The following SMARCA5 variants were observed in gnomAD, a reference collection of about 807,000 sequenced individuals.
SMARCA5 encodes SWI/SNF-related matrix-associated actin-dependent regulator of chromatin subfamily A member 5.
A neutral mutation model predicts 140.4 loss-of-function variants in SMARCA5; 18 were observed. The observed-to-expected ratio is 0.13, with a 90% CI of 0.09 to 0.19. The LOEUF is 0.19. Among genes scored for constraint, SMARCA5 ranks in the 10% least tolerant of loss-of-function variants. The pLI is 1.00. For missense variants in SMARCA5, 606 were observed against 1,276.8 expected, an observed-to-expected ratio of 0.47 and a Z score of 8.01; for synonymous variants, 449 against 419.6, an observed-to-expected ratio of 1.07 and a Z score of -0.86.
Position 143,551,784 on chromosome 4 carries a change from A to G in SMARCA5, c.3094-1335A>G, listed in dbSNP as rs188581753. 2.2e-4 allele frequency among the ~76,000 whole-genome samples: 34 copies of G among 152,180 alleles called. No individual in the cohort carries two copies. The East Asian group carries it at 5.8e-3, about 26-fold the overall frequency. On this transcript the variant is annotated intron_variant, in intron 23 of 23. Coordinates refer to ENST00000283131, the MANE Select transcript of SMARCA5 (RefSeq NM_003601.4). ...TGCACTGATCTATGTATCTGTTTCT[A>G]TACCAGCACCATGCTGTTTTGGTTA... is the stretch of plus-strand genomic sequence containing the variant.
Position 143,528,032 on chromosome 4 carries a change from A to C in SMARCA5, c.957+9A>C. 1 of 1,548,794 alleles carries C rather than the reference A, an allele frequency of 6.5e-7. No homozygotes were observed. Among genetic ancestry groups the C allele is most frequent in the Non-Finnish European group, 8.7e-7 (1 of 1,154,972 alleles). On this transcript the variant is annotated intron_variant, in intron 7 of 23. Transcript: ENST00000283131. ...AAAATGAAAAATCTAAGGTAATTTG[A>C]TACTTAGATGTGAAAAGCCTTCATG...
intron 15 of SMARCA5, 41 bp from the exon 16 acceptor site, chr4:143,543,812 C>T (rs1560820812): frequency 6.3e-7 from 1 of 1,575,234 alleles, no homozygotes; most frequent in Non-Finnish European, 8.6e-7. Context: ...TTCATGCTTT[C>T]TTTGCTGTGA....
At chr4:143,533,498 C>CTTTTTTTTTTTTTTTTTTTTTTTTTTTT in intron 9 of SMARCA5, among the ~76,000 whole-genome samples, 1 of 127,550 alleles carries the variant, frequency 7.8e-6, no homozygotes, top group Non-Finnish European at 1.6e-5. Context: ...CTTGTCCATT[C>CTTTTTTTTTTTTTTTTTTTTTTTTTTTT]TTTTTTTTTT....
chr4:143,544,743 T>G lies in SMARCA5; in HGVS notation c.2179T>G (p.Phe727Val). ...EDYREKQKIA[F>V]TEWIEPPKRE... is the part of the protein sequence containing the mutation. ...GTTGTTTCCCATGTGCTAGATTGCA[T>G]TCACAGAGTGGATTGAACCACCTAA... Residue 727 changes from phenylalanine (F) to valine (V), a missense_variant, in exon 17 of 24, where the codon TTC becomes GTC. Phe to Val is a conservative substitution (Grantham distance 50). Around this residue, in one of 10 missense-constraint regions of SMARCA5, gnomAD observed 62 missense variants for 256.6 expected, o/e 0.24. Coordinates refer to ENST00000283131, the MANE Select transcript of SMARCA5 (RefSeq NM_003601.4). 6.3e-7 allele frequency: 1 copy of G among 1,596,436 alleles called. No homozygotes were observed. Among genetic ancestry groups the G allele is most frequent in the Non-Finnish European group, 8.6e-7 (1 of 1,167,802 alleles).
At chr4:143,539,567 G>A (rs1004394133) in intron 13 of SMARCA5, among the ~76,000 whole-genome samples, 7 of 144,764 alleles carry the variant, frequency 4.8e-5, no homozygotes, top group South Asian at 2.2e-4. Flanking sequence ...ATGGAGTTTC[G>A]CTCTTACTGC....
chr4:143,538,816 A>G lies in SMARCA5; in HGVS notation c.1648A>G (p.Ser550Gly), dbSNP rs1182194082. 2.5e-6 allele frequency: 4 copies of G among 1,614,118 alleles called. No homozygotes were observed. The highest frequency in any genetic ancestry group is 2.5e-6 in the Non-Finnish European group (3 of 1,179,986). ...DSINAYNEPNSTKFVFMLSTR... is the reference protein window; with the variant it reads ...DSINAYNEPNGTKFVFMLSTR... ...CATCAATGCATACAATGAACCAAAC[A>G]GCACAAAGTTTGTTTTCATGTTAAG... The change falls in exon 13 of 24, where the codon AGC becomes GGC. Residue 550 changes from serine to glycine, a missense_variant. Physicochemically the swap from Ser to Gly is moderately conservative, Grantham distance 56. Transcript: ENST00000283131.
intron 11 of SMARCA5, 101 bp from the exon 12 acceptor site, chr4:143,538,489 A>G (rs986805038): frequency 1.1e-6 from 1 of 914,050 alleles, no homozygotes; most frequent in Middle Eastern, 3.0e-4. Flanking sequence ...CCAAGTAGGT[A>G]GCTTTGGAAT....
chr4:143,546,963 G>A (rs1737537466), intron 20 of SMARCA5, 55 bp downstream of exon 20: 1 of 1,553,950 alleles, frequency 6.4e-7, no homozygotes, highest in African/African-American at 1.4e-5. Flanking sequence ...GAAGGTTCTT[G>A]TTTTCTTATT....
chr4:143,529,816 A>G (rs1015342531), intron 8 of SMARCA5, among the ~76,000 whole-genome samples: 4 of 152,212 alleles, frequency 2.6e-5, no homozygotes, highest in African/African-American at 9.6e-5. Context: ...ATCAGACTCC[A>G]AAAGCAATTT....
chr4:143,544,157 T>C, intron 16 of SMARCA5, 185 bp downstream of exon 16: 1 of 380,028 alleles, frequency 2.6e-6, no homozygotes, highest in Non-Finnish European at 4.7e-6. Flanking sequence ...AGCTCTGAAA[T>C]ATTTTTAAAG....
rs570057557 is a variant in SMARCA5 at position 143,538,936 on chromosome 4, A to G, written c.1768A>G (p.Met590Val). The G allele has an allele frequency of 7.4e-6, 12 of 1,613,210 alleles. No individual in the cohort carries two copies. The highest frequency in any genetic ancestry group is 7.6e-6 in the Non-Finnish European group (9 of 1,179,418). Residue 590 changes from methionine (M) to valine (V), a missense_variant and splice_region_variant, in exon 13 of 24, where the codon ATG (methionine) becomes GTG (valine). Met to Val is a conservative substitution (Grantham distance 21). Transcript: ENST00000283131. ...DWNPQVDLQAMDRAHRIGQTK... is the reference protein window; with the variant it reads ...DWNPQVDLQAVDRAHRIGQTK... ...GAATCCCCAAGTAGATCTTCAGGCT[A>G]TGGTAAGAGATAACGAATAAATATA... is the stretch of plus-strand genomic sequence containing the variant.
chr4:143,555,245 A>G lies in SMARCA5; in HGVS notation c.*2061A>G, dbSNP rs1578809313. ...TCTGCCTCCAAAGTTTCCTCCCTTC[A>G]TGGGTCCAAAATTTGAAGACTGATT... On this transcript the variant is annotated 3_prime_UTR_variant, in exon 24 of 24. Coordinates refer to ENST00000283131, the MANE Select transcript of SMARCA5 (RefSeq NM_003601.4). 3 of 854,016 alleles carry G rather than the reference A, an allele frequency of 3.5e-6. No homozygotes were observed. In the East Asian group the frequency reaches 7.4e-5, roughly 21 times the overall value. The allele number at this position is 854,016 out of a possible 1,614,324, so 52.9% of individuals were successfully genotyped here. A position where few individuals can be genotyped will look rare whatever the true frequency, so the allele number is the denominator to read the frequency against.
At position 143,555,634 on chromosome 4, in the gene SMARCA5, G is replaced by C; in HGVS notation, c.*2450G>C. ...ATTGTACATCTGACAAAGTGCTGGA[G>C]GCTATTATAAAGTGTAATTATTACT... On this transcript the variant is annotated 3_prime_UTR_variant, in exon 24 of 24. Coordinates refer to ENST00000283131, the MANE Select transcript of SMARCA5 (RefSeq NM_003601.4). The C allele has an allele frequency of 3.6e-6, 1 of 277,582 alleles. No individual in the cohort carries two copies. Among genetic ancestry groups the C allele is most frequent in the Admixed American group, 4.7e-5 (1 of 21,260 alleles). 17.2% of individuals were successfully genotyped at this position (277,582 alleles called of 1,614,324 possible).
At chr4:143,523,854 G>C (rs1394239406) in intron 3 of SMARCA5, among the ~76,000 whole-genome samples, 1 of 152,158 alleles carries the variant, frequency 6.6e-6, no homozygotes, top group African/African-American at 2.4e-5. Flanking sequence ...TAAAACTTTA[G>C]AAAATCAGTT....
intron 9 of SMARCA5, among the ~76,000 whole-genome samples, chr4:143,532,609 C>T (rs900425708): frequency 2.6e-5 from 4 of 152,058 alleles, no homozygotes; most frequent in Non-Finnish European, 5.9e-5. Flanking sequence ...GGTATGGATG[C>T]GCTTAGGAAT....
At chr4:143,552,171 G>GAA (rs1737652670) in intron 23 of SMARCA5, among the ~76,000 whole-genome samples, 1 of 151,798 alleles carries the variant, frequency 6.6e-6, no homozygotes, top group Non-Finnish European at 1.5e-5. Flanking sequence ...ACTGTAAATG[G>GAA]GATTACTTTT....
chr4:143,555,142 G>A lies in SMARCA5; in HGVS notation c.*1958G>A. Reference sequence around the variant, plus strand: ...TACTGGAACTGCCTTAACCACTACTGCTACTGGAACTGCCTTAGCCACCTT... The same window carrying A: ...TACTGGAACTGCCTTAACCACTACTACTACTGGAACTGCCTTAGCCACCTT... On this transcript the variant is annotated 3_prime_UTR_variant, in exon 24 of 24. Coordinates refer to ENST00000283131, the MANE Select transcript of SMARCA5 (RefSeq NM_003601.4). The A allele has an allele frequency of 1.4e-6, 1 of 702,688 alleles. No individual in the cohort carries two copies. The highest frequency in any genetic ancestry group is 2.7e-5 in the East Asian group (1 of 37,470). 43.5% of individuals were successfully genotyped at this position (702,688 alleles called of 1,614,324 possible).
chr4:143,527,810 G>A, intron 6 of SMARCA5, 58 bp from the exon 7 acceptor site: 1 of 1,423,734 alleles, frequency 7.0e-7, no homozygotes, highest in Non-Finnish European at 9.6e-7. Flanking sequence ...CTTGTCATCA[G>A]TAAATGTAAT....
chr4:143,528,768 A>T, intron 8 of SMARCA5, 54 bp downstream of exon 8: 2 of 1,526,916 alleles, frequency 1.3e-6, no homozygotes, highest in Non-Finnish European at 8.9e-7. Context: ...TTAATGCTAT[A>T]TATTTTTGTA....
Sources: allele counts gnomAD v4.1 joint callset (sites outside exome capture counted in the v4.1 genomes callset), GRCh38; gene constraint gnomAD v4.1.1; regional missense constraint gnomAD v4.1.1; transcripts MANE v1.5; gene names NCBI Gene and HGNC (gene_info 2026-07-23, HGNC 2026-07-21).